Variants in DEPDC5 observed in about 807,000 individuals in gnomAD.
DEPDC5 encodes the protein DEP domain containing 5, GATOR1 subcomplex subunit.
A neutral mutation model predicts 217.3 loss-of-function variants in DEPDC5; 73 were observed. That is an observed-to-expected ratio of 0.34 (90% CI 0.28 to 0.41). The LOEUF (loss-of-function observed/expected upper bound fraction) is 0.41. Among genes scored for constraint, DEPDC5 ranks in the 10% least tolerant of loss-of-function variants. The pLI is 1.00. For missense variants in DEPDC5, 1,675 were observed against 2,070.1 expected (o/e 0.81, Z 3.70); for synonymous variants, 733 against 756.7 (o/e 0.97, Z 0.51).
At chr22:31,847,822 C>T (rs1171133885) in intron 31 of DEPDC5, among the ~76,000 whole-genome samples, 1 of 152,200 alleles carries the variant, frequency 6.6e-6, no homozygotes, top group Non-Finnish European at 1.5e-5. Flanking sequence ...TCAACAGTCC[C>T]CCAAAGTCTT....
intron 37 of DEPDC5, among the ~76,000 whole-genome samples, chr22:31,877,586 C>T (rs1002193700): frequency 8.7e-5 from 13 of 148,576 alleles, no homozygotes; most frequent in East Asian, 2.0e-4. Flanking sequence ...CCCATCTCTA[C>T]CAAAAATACA....
chr22:31,792,241 G>A, intron 11 of DEPDC5, 139 bp downstream of exon 11: 1 of 658,174 alleles, frequency 1.5e-6, no homozygotes, highest in Non-Finnish European at 2.7e-6. Flanking sequence ...AGTGTAAAAG[G>A]GAAAGTAGCA....
chr22:31,815,060 C>T lies in DEPDC5; in HGVS notation c.1514C>T (p.Ser505Phe). 1.2e-6 allele frequency: 2 copies of T among 1,614,214 alleles called. No individual in the cohort carries two copies. The highest frequency in any genetic ancestry group is 2.2e-5 in the East Asian group (1 of 44,888). ...ASSCDVSSSP[S>F]LPSRTLPTEE... Reference sequence around the variant, plus strand: ...TCCTGTGATGTTTCATCCAGCCCTTCCCTACCAAGCCGCACACTGCCCACT... The same window carrying T: ...TCCTGTGATGTTTCATCCAGCCCTTTCCTACCAAGCCGCACACTGCCCACT... The change falls in exon 21 of 43, where the codon TCC (serine) becomes TTC (phenylalanine). Residue 505 changes from serine (S) to phenylalanine (F), a missense_variant. Ser to Phe is a radical substitution (Grantham distance 155). Transcript: ENST00000651528.
intron 15 of DEPDC5, among the ~76,000 whole-genome samples, chr22:31,803,371 C>T (rs1030452645): frequency 2.0e-5 from 3 of 152,002 alleles, no homozygotes; most frequent in Admixed American, 1.3e-4. Context: ...CCACCATGCC[C>T]GGCTAATTTT....
Position 31,804,905 on chromosome 22 carries a change from A to G in DEPDC5, c.1207A>G (p.Ile403Val), listed in dbSNP as rs774007020. The G allele has an allele frequency of 1.9e-6, 3 of 1,613,672 alleles. No homozygotes were observed. The African/African-American group carries it at 4.0e-5, about 22-fold the overall frequency. ...LGDDYNIPHW[I>V]NHSFYTSKSQ... ...CGATGACTATAATATCCCTCACTGGATAAACCACAGGTGGGTGCGATCTCG... is the reference window on the plus strand; with the variant it reads ...CGATGACTATAATATCCCTCACTGGGTAAACCACAGGTGGGTGCGATCTCG... Residue 403 changes from isoleucine (I) to valine (V), a missense_variant, in exon 17 of 43, where the codon ATA becomes GTA. Around this residue, in one of 11 missense-constraint regions of DEPDC5, gnomAD observed 628 missense variants for 762.1 expected, o/e 0.82. Coordinates refer to ENST00000651528, the MANE Select transcript of DEPDC5 (RefSeq NM_001242896.3).
At position 31,804,178 on chromosome 22, in the gene DEPDC5, G is replaced by C; in HGVS notation, c.1098G>C (p.Leu366Phe). 1.2e-6 allele frequency: 2 copies of C among 1,613,960 alleles called. No homozygotes were observed. Among genetic ancestry groups the C allele is most frequent in the Non-Finnish European group, 1.7e-6 (2 of 1,179,950 alleles). The change falls in exon 16 of 43, where the codon TTG (leucine) becomes TTC (phenylalanine). Residue 366 changes from leucine to phenylalanine, a missense_variant. Leu to Phe is a conservative substitution (Grantham distance 22). This residue lies in a region of DEPDC5 where 628 missense variants were observed against 762.1 expected (regional missense o/e 0.82). Transcript: ENST00000651528. ...RMIDNGIGVD[L>F]VCMGEQPLHA... ...TTTTTTTAGGAATTGGTGTGGATTT[G>C]GTGTGCATGGGAGAGCAACCGTTAC...
chr22:31,897,513 G>C lies in DEPDC5; in HGVS notation c.4235G>C (p.Cys1412Ser), dbSNP rs764266296. 3.7e-6 allele frequency: 6 copies of C among 1,613,848 alleles called. No individual in the cohort carries two copies. The highest frequency in any genetic ancestry group is 1.3e-5 in the African/African-American group (1 of 74,926). The change falls in exon 40 of 43, where the codon TGT (cysteine) becomes TCT (serine). Residue 1412 changes from cysteine to serine, a missense_variant. Cys to Ser is a moderately radical substitution (Grantham distance 112). Transcript: ENST00000651528. ...VQGWHRKATS[C>S]GFLLVPVLEG... ...GGTTGGCATCGGAAAGCCACCTCCT[G>C]TGGCTTCTTGTTAGTCCCAGTTTTG...
chr22:31,857,657 C>A, intron 32 of DEPDC5, 104 bp downstream of exon 32: 1 of 924,778 alleles, frequency 1.1e-6, no homozygotes, highest in Non-Finnish European at 1.7e-6. Flanking sequence ...TGTGCAGAGG[C>A]TTTGGATGAA....
At chr22:31,777,513 GC>G (rs2083998971) in intron 7 of DEPDC5, among the ~76,000 whole-genome samples, 1 of 151,736 alleles carries the variant, frequency 6.6e-6, no homozygotes, top group African/African-American at 2.4e-5. Context: ...GCCCTCCGTG[GC>G]CTCCCAAAGT....
In DEPDC5 at chr22:31,857,458, CA is replaced by C. The variant is rs1569123579; in HGVS notation, c.3170del (p.Gln1057ArgfsTer22). 6.2e-7 allele frequency: 1 copy of C among 1,607,810 alleles called. No individual in the cohort carries two copies. The highest frequency in any genetic ancestry group is 2.2e-5 in the East Asian group (1 of 44,706). On this transcript the variant is annotated frameshift_variant, in exon 32 of 43. Coordinates refer to ENST00000651528, the MANE Select transcript of DEPDC5 (RefSeq NM_001242896.3). LOFTEE classifies it high-confidence loss of function. Reference sequence around the variant, plus strand: ...TCCTCCTTTCAGGTGCCTGGGAGAACAGCAGGCAGCTGTGCATGGTGGGAAG... The same window carrying C: ...TCCTCCTTTCAGGTGCCTGGGAGAACGCAGGCAGCTGTGCATGGTGGGAAG... ...MEASQKCLGE[Q>X]QAAVHGGKSS...
chr22:31,786,212 T>G (rs1311814730), intron 10 of DEPDC5, among the ~76,000 whole-genome samples: 1 of 150,348 alleles, frequency 6.7e-6, no homozygotes, highest in Non-Finnish European at 1.5e-5. Context: ...GCCAAGATTA[T>G]GCCACCGTAC....
At chr22:31,809,444 G>A (rs1000735032) in intron 18 of DEPDC5, among the ~76,000 whole-genome samples, 167 bp from the exon 19 acceptor site, 1 of 152,194 alleles carries the variant, frequency 6.6e-6, no homozygotes, top group Non-Finnish European at 1.5e-5. Context: ...GCAACAAGAT[G>A]TGATACGGGA....
At chr22:31,887,082 C>T (rs570116354) in intron 38 of DEPDC5, among the ~76,000 whole-genome samples, 11 of 112,414 alleles carry the variant, frequency 9.8e-5, no homozygotes, top group African/African-American at 3.5e-4. Context: ...GATTCCATCT[C>T]GAAAAAAAAA....
chr22:31,757,838 A>C (rs1318966086), intron 2 of DEPDC5, among the ~76,000 whole-genome samples: 1 of 152,036 alleles, frequency 6.6e-6, no homozygotes, highest in African/African-American at 2.4e-5. Context: ...ATTTCGGCTC[A>C]CTGTAACCTC....
intron 8 of DEPDC5, among the ~76,000 whole-genome samples, chr22:31,779,679 C>G (rs189245886): frequency 9.2e-5 from 14 of 152,272 alleles, no homozygotes; most frequent in Admixed American, 8.5e-4. Context: ...ATAAAACCCT[C>G]CAAATCACCG....
At position 31,798,598 on chromosome 22, in the gene DEPDC5, A is replaced by C; in HGVS notation, c.888A>C (p.Gly296=). Residue 296 remains glycine, a synonymous_variant, in exon 14 of 43, where the codon GGA becomes GGC. Coordinates refer to ENST00000651528, the MANE Select transcript of DEPDC5 (RefSeq NM_001242896.3). ...TTGCTTCAGAGGGCTTTCCTCAAGGAGATAATTCTACCTCAGCACAAGGAA... is the reference window on the plus strand; with the variant it reads ...TTGCTTCAGAGGGCTTTCCTCAAGGCGATAATTCTACCTCAGCACAAGGAA... The part of the protein sequence containing the change: ...RLEQAEGFPQ[G]DNSTSAQGNY... 1 of 1,611,192 alleles carries C rather than the reference A, an allele frequency of 6.2e-7. No homozygotes were observed. The highest frequency in any genetic ancestry group is 8.5e-7 in the Non-Finnish European group (1 of 1,178,094).
intron 40 of DEPDC5, among the ~76,000 whole-genome samples, chr22:31,899,702 T>C (rs956808028): frequency 6.6e-6 from 1 of 152,182 alleles, no homozygotes; most frequent in Non-Finnish European, 1.5e-5. Flanking sequence ...TTTTGCTCTT[T>C]AGTTGCCCTA....
rs1038872139 is a variant in DEPDC5, at chr22:31,875,668, C to T, written c.3697-489C>T. 3.3e-5 allele frequency: 4 copies of T among 122,172 alleles called. No homozygotes were observed. In the East Asian group the frequency reaches 1.0e-3, roughly 32 times the overall value. The allele number at this position is 122,172 out of a possible 1,614,324, so 7.6% of individuals were successfully genotyped here. On this transcript the variant is annotated intron_variant, in intron 36 of 42. Transcript: ENST00000651528. ...TTTTTTTTGAGACAGAGTCTCACTTCGTCGCCTAGGCTGGAGTGCAGTAGT... is the reference window on the plus strand; with the variant it reads ...TTTTTTTTGAGACAGAGTCTCACTTTGTCGCCTAGGCTGGAGTGCAGTAGT...
chr22:31,873,789 CT>C (rs796650383), intron 35 of DEPDC5: 2,412 of 114,608 alleles, frequency 0.021, 10 homozygotes, highest in Middle Eastern at 0.029. Context: ...ACAACTTCTT[CT>C]TTTTTTTTTT....
Sources: gnomAD v4.1 joint callset for allele counts (sites outside exome capture counted in the v4.1 genomes callset) on GRCh38, gnomAD v4.1.1 for gene constraint, gnomAD v4.1.1 regional missense constraint, MANE v1.5 for transcripts, NCBI Gene and HGNC (gene_info 2026-07-23, HGNC 2026-07-21) for gene names.